CFAP46: variants seen among roughly 807,000 people sequenced by gnomAD.
CFAP46 encodes cilia and flagella associated protein 46.
Under a neutral mutation model 325.7 loss-of-function variants are expected in CFAP46, and 245 were observed. That is an observed-to-expected ratio of 0.75 (90% CI 0.68 to 0.84). The LOEUF is 0.84. Ranked by LOEUF, CFAP46 falls within the 40% of genes least tolerant of loss-of-function variation. CFAP46 has a pLI of 0.00. For missense variants in CFAP46, 3,346 were observed against 3,543.0 expected (o/e 0.94, Z 1.41); for synonymous variants, 1,523 against 1,495.9 (o/e 1.02, Z -0.42).
At chr10:132,940,882 A>G in intron 4 of CFAP46, 114 bp downstream of exon 4, 1 of 1,037,296 alleles carries the variant, frequency 9.6e-7, no homozygotes, top group Non-Finnish European at 1.5e-6. Context: ...TGAAAATCAC[A>G]GACCACAAAC....
chr10:132,846,758 T>C (rs1019680634), intron 43 of CFAP46, among the ~76,000 whole-genome samples, 174 bp downstream of exon 43: 2 of 152,204 alleles, frequency 1.3e-5, no homozygotes, highest in Non-Finnish European at 2.9e-5. Flanking sequence ...CACGAATGCA[T>C]GTTCTCTCTG....
chr10:132,883,621 C>G (rs1849078779), intron 27 of CFAP46, among the ~76,000 whole-genome samples: 1 of 152,234 alleles, frequency 6.6e-6, no homozygotes, highest in African/African-American at 2.4e-5. Context: ...CTGGGCTGTG[C>G]CCCCGGGGGA....
intron 50 of CFAP46, among the ~76,000 whole-genome samples, chr10:132,829,692 C>T (rs992349461): frequency 6.6e-6 from 1 of 152,216 alleles, no homozygotes; most frequent in African/African-American, 2.4e-5. Context: ...TGGAAGAAGC[C>T]GCCTTCCCCT....
intron 32 of CFAP46, among the ~76,000 whole-genome samples, chr10:132,871,163 C>G (rs1263787541): frequency 6.6e-6 from 1 of 152,260 alleles, no homozygotes; most frequent in African/African-American, 2.4e-5. Context: ...TTAAAGCCCA[C>G]TGTTGAGACC....
chr10:132,897,999 C>T (rs369496825), intron 24 of CFAP46, among the ~76,000 whole-genome samples: 2 of 150,976 alleles, frequency 1.3e-5, no homozygotes, highest in African/African-American at 4.9e-5. Flanking sequence ...CACTCCCGTC[C>T]TCCTCCTCCC....
At chr10:132,835,631 G>A (rs998613187) in intron 46 of CFAP46, among the ~76,000 whole-genome samples, 197 bp from the exon 47 acceptor site, 6 of 152,088 alleles carry the variant, frequency 3.9e-5, no homozygotes, top group South Asian at 2.1e-4. Context: ...CAGCGGATGG[G>A]CCTCCTGGGC....
Position 132,869,479 on chromosome 10 carries a change from C to T in CFAP46, c.4512-107G>A. 8 of 696,426 alleles carry T rather than the reference C, an allele frequency of 1.1e-5. No homozygotes were observed. In the South Asian group the frequency reaches 1.8e-4, roughly 16 times the overall value. The allele number at this position is 696,426 out of a possible 1,614,324, so 43.1% of individuals were successfully genotyped here. A position where few individuals can be genotyped will look rare whatever the true frequency, so the allele number is the denominator to read the frequency against. ...AAAACGGTCAACTAACACATCGAGG[C>T]ACACTTGGATGGTATTTTCAATCAT... On this transcript the variant is annotated intron_variant, in intron 32 of 57. Coordinates refer to ENST00000368586, the MANE Select transcript of CFAP46 (RefSeq NM_001200049.3). The surrounding 1 kb of genome is among the most constrained non-coding windows in gnomAD (Gnocchi z 6.2).
At chr10:132,862,462 T>G in intron 35 of CFAP46, among the ~76,000 whole-genome samples, 5 of 147,664 alleles carry the variant, frequency 3.4e-5, no homozygotes, top group East Asian at 2.1e-4. Context: ...GGGGGGTGCG[T>G]GAGGCTGATG....
At chr10:132,820,430 G>A (rs529804246) in intron 50 of CFAP46, among the ~76,000 whole-genome samples, 1 of 152,328 alleles carries the variant, frequency 6.6e-6, no homozygotes, top group Admixed American at 6.5e-5. Context: ...CAGGGCAAAG[G>A]GTACACAGCG....
At chr10:132,921,412 C>T (rs1849720716) in intron 13 of CFAP46, among the ~76,000 whole-genome samples, 1 of 152,230 alleles carries the variant, frequency 6.6e-6, no homozygotes, top group Non-Finnish European at 1.5e-5. Flanking sequence ...ACCTGCCGAA[C>T]CCTGGCTCAG....
chr10:132,916,710 G>T, intron 16 of CFAP46, 28 bp from the exon 17 acceptor site: 1 of 1,430,342 alleles, frequency 7.0e-7, no homozygotes, highest in Non-Finnish European at 9.2e-7. Context: ...GGTGGGAGGG[G>T]TCATGGGCGG....
chr10:132,938,097 C>T (rs996468422), intron 5 of CFAP46, among the ~76,000 whole-genome samples: 1 of 152,178 alleles, frequency 6.6e-6, no homozygotes, highest in South Asian at 2.1e-4. Context: ...TCCTTTCCGC[C>T]GCCCGGCACA....
chr10:132,868,464 ACGGTG>A, intron 33 of CFAP46, among the ~76,000 whole-genome samples: 1 of 149,392 alleles, frequency 6.7e-6, no homozygotes, highest in South Asian at 2.2e-4. Context: ...CAGATAACTC[ACGGTG>A]CACAGATAAC....
At chr10:132,823,838 ATGT>A (rs1434542404) in intron 50 of CFAP46, among the ~76,000 whole-genome samples, 22 of 99,596 alleles carry the variant, frequency 2.2e-4, no homozygotes, top group Non-Finnish European at 3.3e-4. Flanking sequence ...TGTGTGCTGT[ATGT>A]TGTGTGAGTG....
chr10:132,874,493 G>T (rs1437220154), intron 31 of CFAP46, among the ~76,000 whole-genome samples: 1 of 117,738 alleles, frequency 8.5e-6, no homozygotes, highest in East Asian at 2.6e-4. Flanking sequence ...AAGAATCAAG[G>T]TAATTAATTC....
At position 132,876,988 on chromosome 10, in the gene CFAP46, C is replaced by T. The variant is rs1290994154; in HGVS notation, c.4213-27G>A. On this transcript the variant is annotated intron_variant, in intron 30 of 57. Coordinates refer to ENST00000368586, the MANE Select transcript of CFAP46 (RefSeq NM_001200049.3). This position sits in a 1 kb window ranked among gnomAD's most constrained non-coding sequence, Gnocchi z 4.1. ...TAGAAAGGCAAGAATACAGGATTTA[C>T]CTGAAACGGTGGAGGTGAAACAGCA... 1 of 1,544,716 alleles carries T rather than the reference C, an allele frequency of 6.5e-7. No homozygotes were observed. Among genetic ancestry groups the T allele is most frequent in the Non-Finnish European group, 8.7e-7 (1 of 1,143,684 alleles).
At position 132,877,924 on chromosome 10, in the gene CFAP46, T is replaced by C; in HGVS notation, c.4169A>G (p.Asp1390Gly). 1 of 1,550,050 alleles carries C rather than the reference T, an allele frequency of 6.5e-7. No individual in the cohort carries two copies. The highest frequency in any genetic ancestry group is 1.2e-5 in the South Asian group (1 of 83,980). The change falls in exon 30 of 58, where the codon GAC becomes GGC. Residue 1390 changes from aspartate to glycine, a missense_variant. By Grantham distance (94) the Asp-to-Gly change is moderately conservative. Transcript: ENST00000368586. This position sits in a 1 kb window ranked among gnomAD's most constrained non-coding sequence, Gnocchi z 5.7. ...TTTCTCCTCCTTTCCCTTCTCCTTG[T>C]CCTTCTCTTTACTCCTCTCATTCTC... ...EKENERSKEKDKEKGKEEKVK... is the reference protein window; with the variant it reads ...EKENERSKEKGKEKGKEEKVK...
rs924021175 is a variant in CFAP46 at position 132,827,976 on chromosome 10, C to T, written c.7117+5382G>A. ...CTGAGTGAGCCCCGTCACCCCTCAG[C>T]GTAATCCTTCTGAGCCCCGTCTACG... On this transcript the variant is annotated intron_variant, in intron 50 of 57. Transcript: ENST00000368586. This position sits in a 1 kb window ranked among gnomAD's most constrained non-coding sequence, Gnocchi z 5.7. Among the ~76,000 whole-genome samples, 10 of 151,840 alleles carry T rather than the reference C, an allele frequency of 6.6e-5. No individual in the cohort carries two copies. Among genetic ancestry groups the T allele is most frequent in the Admixed American group, 3.9e-4 (6 of 15,282 alleles).
chr10:132,924,014 C>T (rs910974445), intron 11 of CFAP46, among the ~76,000 whole-genome samples: 3 of 152,090 alleles, frequency 2.0e-5, no homozygotes, highest in East Asian at 1.9e-4. Flanking sequence ...GCTGAGCCGG[C>T]GGACTCAGAG....
Sources: gnomAD v4.1 joint callset for allele counts (sites outside exome capture counted in the v4.1 genomes callset) on GRCh38, gnomAD v4.1.1 for gene constraint, Gnocchi (gnomAD v3.1) non-coding constraint, MANE v1.5 for transcripts, NCBI Gene and HGNC (gene_info 2026-07-23, HGNC 2026-07-21) for gene names.